The following MYO9B variants were observed in gnomAD, a reference collection of about 807,000 sequenced individuals.
MYO9B encodes unconventional myosin-IXb.
A neutral mutation model predicts 229.5 loss-of-function variants in MYO9B; 71 were observed. That is an observed-to-expected ratio of 0.31 (90% CI 0.26 to 0.38). MYO9B has a LOEUF of 0.38. Among genes scored for constraint, MYO9B ranks in the 10% least tolerant of loss-of-function variants. The pLI, the probability that MYO9B is intolerant of heterozygous loss-of-function variation, is 1.00. For synonymous variants in MYO9B, 1,185 were observed against 1,235.8 expected, an observed-to-expected ratio of 0.96 and a Z score of 0.86; for missense variants, 2,255 against 2,920.5, an observed-to-expected ratio of 0.77 and a Z score of 5.25.
rs755833143 is a variant in MYO9B at position 17,206,149 on chromosome 19, A to G, written c.5254A>G (p.Thr1752Ala). 1 of 1,607,312 alleles carries G rather than the reference A, an allele frequency of 6.2e-7. No individual in the cohort carries two copies. The highest frequency in any genetic ancestry group is 1.1e-5 in the South Asian group (1 of 90,770). Residue 1752 changes from threonine (T) to alanine (A), a missense_variant, in exon 32 of 40, where the codon ACA becomes GCA. Coordinates refer to ENST00000682292, the MANE Select transcript of MYO9B (RefSeq NM_004145.4). Reference protein sequence around the residue: ...RTRELRQALQTDPAAVKLENF... With the variant: ...RTRELRQALQADPAAVKLENF... ...TCGGGAGCTCCGGCAGGCGCTGCAG[A>G]CAGGTGGGCGCTGTGGGCAGGTGGG...
chr19:17,098,045 ACC>A (rs10602502), intron 1 of MYO9B, among the ~76,000 whole-genome samples: 94,772 of 132,728 alleles, frequency 0.71, 33,030 homozygotes, highest in South Asian at 0.79. Context: ...ATCCTTCAGA[ACC>A]CCCCCCCCCC....
intron 1 of MYO9B, among the ~76,000 whole-genome samples, chr19:17,092,471 A>G (rs1394266817): frequency 6.6e-6 from 1 of 152,146 alleles, no homozygotes; most frequent in African/African-American, 2.4e-5. Context: ...ATGAGTGTTC[A>G]TATGGAAGTA....
At chr19:17,209,378 G>A (rs2073199778) in intron 35 of MYO9B, among the ~76,000 whole-genome samples, 1 of 152,206 alleles carries the variant, frequency 6.6e-6, no homozygotes, top group South Asian at 2.1e-4. Context: ...CAAACAAGGA[G>A]GCGTGCAGAG....
At chr19:17,145,559 A>G (rs1599367704) in intron 3 of MYO9B, 68 bp downstream of exon 3, 4 of 1,303,724 alleles carry the variant, frequency 3.1e-6, no homozygotes, top group African/African-American at 2.9e-5. Context: ...TGACACACAC[A>G]TGGGAGTGAG....
At chr19:17,082,250 G>A (rs1442391372) in intron 1 of MYO9B, among the ~76,000 whole-genome samples, 2 of 152,174 alleles carry the variant, frequency 1.3e-5, no homozygotes, top group African/African-American at 4.8e-5. Flanking sequence ...CAGCCCAGTG[G>A]GGTCTGTGAA....
chr19:17,188,447 A>AG (rs2072944015), intron 19 of MYO9B, among the ~76,000 whole-genome samples: 3 of 147,756 alleles, frequency 2.0e-5, no homozygotes, highest in East Asian at 2.1e-4. Flanking sequence ...AAAAAAAAAA[A>AG]AAAGAAGAAA....
intron 5 of MYO9B, 101 bp downstream of exon 5, chr19:17,154,167 G>A (rs947093900): frequency 9.7e-6 from 13 of 1,344,786 alleles, no homozygotes; most frequent in South Asian, 2.4e-5. Context: ...CCTGGCCCCC[G>A]AACCCGCTCC....
intron 1 of MYO9B, among the ~76,000 whole-genome samples, chr19:17,076,712 G>C (rs2057488538): frequency 6.6e-6 from 1 of 152,082 alleles, no homozygotes; most frequent in African/African-American, 2.4e-5. Flanking sequence ...CTCCCCTTAA[G>C]ACAGGACTAG....
Position 17,154,434 on chromosome 19 carries a change from G to T in MYO9B, c.1199+19G>T, listed in dbSNP as rs8112780. On this transcript the variant is annotated intron_variant, in intron 6 of 39. Transcript: ENST00000682292. ...AGAAGCAGTAAGTGTGCGGGCTCCCGGGGCCTGTCCCCCAGAGCCTACAGG... is the reference window on the plus strand; with the variant it reads ...AGAAGCAGTAAGTGTGCGGGCTCCCTGGGCCTGTCCCCCAGAGCCTACAGG... 6.3e-7 allele frequency: 1 copy of T among 1,592,330 alleles called. No individual in the cohort carries two copies. Among genetic ancestry groups the T allele is most frequent in the Non-Finnish European group, 8.6e-7 (1 of 1,165,008 alleles).
At chr19:17,149,198 G>A (rs1194529409) in intron 3 of MYO9B, among the ~76,000 whole-genome samples, 3 of 150,852 alleles carry the variant, frequency 2.0e-5, no homozygotes, top group African/African-American at 7.3e-5. Context: ...GGCTGGTCTT[G>A]AACTCCTGGC....
Position 17,211,983 on chromosome 19 carries a change from G to A in MYO9B, c.6147G>A (p.Ser2049=), listed in dbSNP as rs377061155. The A allele has an allele frequency of 4.3e-5, 65 of 1,498,400 alleles. No individual in the cohort carries two copies. Among genetic ancestry groups the A allele is most frequent in the Admixed American group, 4.1e-4 (22 of 53,086 alleles). The allele number at this position is 1,498,400 out of a possible 1,614,324, so 92.8% of individuals were successfully genotyped here. Residue 2049 remains serine (S), a synonymous_variant, in exon 40 of 40, where the codon TCG becomes TCA. Coordinates refer to ENST00000682292, the MANE Select transcript of MYO9B (RefSeq NM_004145.4). ...TVAAPPRRRP[S]SFVTVRVKTP... ...CCGCCCCTCCACGACGAAGGCCGTC[G>A]TCCTTCGTAACGGTCAGAGTGAAGA...
In MYO9B at chr19:17,102,533, C is replaced by T. The variant is rs755940982; in HGVS notation, c.816C>T (p.Ile272=). The change falls in exon 2 of 40, where the codon ATC becomes ATT. Residue 272 remains isoleucine (I), a synonymous_variant. Transcript: ENST00000682292. The stretch of plus-strand genomic sequence containing the variant: ...ACGCCAGCGGCGTCGAGAGGACCAT[C>T]CTGGGTGCTGGCCCTGTGCTGGAGG... ...KGYASGVERT[I]LGAGPVLEAF... is the part of the protein sequence containing the mutation. 2.5e-6 allele frequency: 4 copies of T among 1,603,848 alleles called. No individual in the cohort carries two copies. The highest frequency in any genetic ancestry group is 3.4e-6 in the Non-Finnish European group (4 of 1,175,022).
Position 17,194,644 on chromosome 19 carries a change from G to A in MYO9B, c.3217G>A (p.Gly1073Arg), listed in dbSNP as rs565811979. The A allele has an allele frequency of 1.6e-4, 261 of 1,612,680 alleles. 1 individual carries two copies. The highest frequency in any genetic ancestry group is 2.1e-4 in the Non-Finnish European group (249 of 1,179,762). ...EAARAGAEEG[G>R]QGQAAGGQQV... The stretch of plus-strand genomic sequence containing the variant: ...CGCAAGAGCAGGTGCTGAGGAGGGC[G>A]GACAGGGTCAGGCGGCTGGAGGGCA... Residue 1073 changes from glycine to arginine, a missense_variant, in exon 22 of 40, where the codon GGA (glycine) becomes AGA (arginine). Physicochemically the swap from Gly to Arg is moderately radical, Grantham distance 125. This residue lies in a region of MYO9B where 679 missense variants were observed against 770.2 expected (regional missense o/e 0.88). Transcript: ENST00000682292.
Position 17,205,185 on chromosome 19 carries a change from C to T in MYO9B, c.4991-78C>T, listed in dbSNP as rs1220517924. On this transcript the variant is annotated intron_variant, in intron 30 of 39. Coordinates refer to ENST00000682292, the MANE Select transcript of MYO9B (RefSeq NM_004145.4). ...AAAAAAAGAAGGCAATTGGCGGCCC[C>T]CGGCCAGCTGGGTGGGTGGCTGCAG... 9 of 1,232,132 alleles carry T rather than the reference C, an allele frequency of 7.3e-6. No individual in the cohort carries two copies. In the East Asian group the frequency reaches 1.2e-4, roughly 16 times the overall value. The allele number at this position is 1,232,132 out of a possible 1,614,324, so 76.3% of individuals were successfully genotyped here.
chr19:17,182,238 C>G (rs1464099385), intron 15 of MYO9B, among the ~76,000 whole-genome samples: 1 of 152,038 alleles, frequency 6.6e-6, no homozygotes, highest in Non-Finnish European at 1.5e-5. Context: ...CATTACCACA[C>G]CTGTCTAATT....
rs532715685 is a variant in MYO9B, at chr19:17,139,880, A to G, written c.841-5517A>G. ...AACATGGAGAAACCCCGTCTCTACTAAAAATACAAAATTAGCCGGGTGTGG... is the reference window on the plus strand; with the variant it reads ...AACATGGAGAAACCCCGTCTCTACTGAAAATACAAAATTAGCCGGGTGTGG... On this transcript the variant is annotated intron_variant, in intron 2 of 39. Transcript: ENST00000682292. 4.6e-5 allele frequency among the ~76,000 whole-genome samples: 7 copies of G among 152,202 alleles called. No individual in the cohort carries two copies. The South Asian group carries it at 1.5e-3, about 32-fold the overall frequency.
rs1302174161 is a variant in MYO9B at position 17,086,887 on chromosome 19, A to AG, written c.-59+11013_-59+11014insG. On this transcript the variant is annotated intron_variant, in intron 1 of 39. Coordinates refer to ENST00000682292, the MANE Select transcript of MYO9B (RefSeq NM_004145.4). ...AGAGCAAGACTTCGTCTCAAAAAAA[A>AG]AAAAAGTCTCCAGACATTGTCAGAT... Among the ~76,000 whole-genome samples, 4 of 151,556 alleles carry AG rather than the reference A, an allele frequency of 2.6e-5. No homozygotes were observed. In the East Asian group the frequency reaches 7.7e-4, roughly 29 times the overall value.
Position 17,163,065 on chromosome 19 carries a change from C to G in MYO9B, c.1614C>G (p.Asn538Lys). The change falls in exon 10 of 40, where the codon AAC becomes AAG. Residue 538 changes from asparagine (N) to lysine (K), a missense_variant. Physicochemically the swap from Asn to Lys is moderately conservative, Grantham distance 94. Transcript: ENST00000682292. ...ACAGCTTTGAGCAGTTCTGCATCAA[C>G]TACGCCAATGAGCAGCTGCAGTATT... is the stretch of plus-strand genomic sequence containing the variant. ...ERNSFEQFCI[N>K]YANEQLQYYF... is the part of the protein sequence containing the mutation. 2 of 1,591,298 alleles carry G rather than the reference C, an allele frequency of 1.3e-6. No individual in the cohort carries two copies. Among genetic ancestry groups the G allele is most frequent in the Non-Finnish European group, 1.7e-6 (2 of 1,168,426 alleles).
rs1170903015 is a variant in MYO9B at position 17,192,973 on chromosome 19, G to A, written c.3039G>A (p.Arg1013=). Residue 1013 remains arginine (R), a synonymous_variant, in exon 21 of 40, where the codon AGG becomes AGA. Coordinates refer to ENST00000682292, the MANE Select transcript of MYO9B (RefSeq NM_004145.4). ...QAAVYLQASW[R]GYWQRKLYRH... is the part of the protein sequence containing the mutation. ...CCGTGTACCTCCAGGCCTCATGGAGGGGCTACTGGCAGCGGAAGCTCTACC... is the reference window on the plus strand; with the variant it reads ...CCGTGTACCTCCAGGCCTCATGGAGAGGCTACTGGCAGCGGAAGCTCTACC... 2 of 1,527,622 alleles carry A rather than the reference G, an allele frequency of 1.3e-6. No individual in the cohort carries two copies. Among genetic ancestry groups the A allele is most frequent in the Admixed American group, 2.0e-5 (1 of 50,108 alleles). 94.6% of individuals were successfully genotyped at this position (1,527,622 alleles called of 1,614,324 possible). A position where few individuals can be genotyped will look rare whatever the true frequency, so the allele number is the denominator to read the frequency against.
Sources: allele counts gnomAD v4.1 joint callset (sites outside exome capture counted in the v4.1 genomes callset), GRCh38; gene constraint gnomAD v4.1.1; regional missense constraint gnomAD v4.1.1; transcripts MANE v1.5; gene names NCBI Gene and HGNC (gene_info 2026-07-23, HGNC 2026-07-21).